The following CACHD1 variants were observed in gnomAD, a reference collection of about 807,000 sequenced individuals.
CACHD1 encodes cache domain containing 1, also known as VWFA and cache domain-containing protein 1.
Under a neutral mutation model 138.7 loss-of-function variants are expected in CACHD1, and 71 were observed. The observed-to-expected ratio is 0.51, with a 90% CI of 0.42 to 0.62. The LOEUF (loss-of-function observed/expected upper bound fraction) is 0.62. Among genes scored for constraint, CACHD1 ranks in the 20% least tolerant of loss-of-function variants. The probability of loss-of-function intolerance (pLI) is 0.00; values close to 1 mark genes in which losing one functional copy is unlikely to be tolerated. For missense variants in CACHD1, 1,389 were observed against 1,625.3 expected, an observed-to-expected ratio of 0.85 and a Z score of 2.50; for synonymous variants, 578 against 591.5, an observed-to-expected ratio of 0.98 and a Z score of 0.33.
chr1:64,481,920 A>C lies in CACHD1; in HGVS notation c.198+10978A>C, dbSNP rs113807804. ...TAGTTTTATTTCCATGTCACTTGAA[A>C]ATAAGGTAAGGATTCTATATAGGAA... On this transcript the variant is annotated intron_variant, in intron 1 of 26. Transcript: ENST00000651257. Among the ~76,000 whole-genome samples the C allele has an allele frequency of 5.2e-3, 787 of 152,312 alleles. 5 individuals are homozygous for C. Among genetic ancestry groups the C allele is most frequent in the South Asian group, 0.022 (104 of 4,834 alleles).
chr1:64,473,705 G>A (rs561683739), intron 1 of CACHD1, among the ~76,000 whole-genome samples: 56 of 152,304 alleles, frequency 3.7e-4, no homozygotes, highest in African/African-American at 1.2e-3. Context: ...CTCACTTTAT[G>A]AGAAACATTC....
chr1:64,601,474 C>G (rs957264281), intron 3 of CACHD1, among the ~76,000 whole-genome samples: 1 of 152,228 alleles, frequency 6.6e-6, no homozygotes, highest in African/African-American at 2.4e-5. Context: ...CTTTGAGGCA[C>G]AGTTGACATT....
chr1:64,652,359 G>A (rs749891127), intron 10 of CACHD1, 49 bp downstream of exon 10: 1 of 1,499,270 alleles, frequency 6.7e-7, no homozygotes. Flanking sequence ...GAAACCTAAA[G>A]AAAATAAGGT....
intron 1 of CACHD1, among the ~76,000 whole-genome samples, chr1:64,474,114 C>A (rs1646161082): frequency 6.6e-6 from 1 of 152,136 alleles, no homozygotes; most frequent in African/African-American, 2.4e-5. Context: ...GTTGTGCCAA[C>A]CAATTTTGCC....
intron 2 of CACHD1, among the ~76,000 whole-genome samples, chr1:64,559,474 C>CTG (rs1646822521): frequency 6.6e-6 from 1 of 152,018 alleles, no homozygotes; most frequent in African/African-American, 2.4e-5. Context: ...AAGAAGGAAA[C>CTG]AACAGACACT....
At chr1:64,588,722 A>G (rs893248226) in intron 3 of CACHD1, among the ~76,000 whole-genome samples, 9 of 152,022 alleles carry the variant, frequency 5.9e-5, no homozygotes, top group Non-Finnish European at 1.3e-4. Flanking sequence ...TGATTTATCT[A>G]TTTCTTTCCC....
chr1:64,668,529 GAA>G (rs1486829184), intron 16 of CACHD1, among the ~76,000 whole-genome samples: 1 of 152,004 alleles, frequency 6.6e-6, no homozygotes, highest in Non-Finnish European at 1.5e-5. Flanking sequence ...AAAAAAAAGA[GAA>G]AACTCCAGAT....
chr1:64,665,600 G>A (rs561295164), intron 15 of CACHD1, among the ~76,000 whole-genome samples: 1 of 152,330 alleles, frequency 6.6e-6, no homozygotes, highest in Non-Finnish European at 1.5e-5. Context: ...GCTACAGTCA[G>A]ATACAAAAGA....
chr1:64,479,147 A>G (rs917403331), intron 1 of CACHD1, among the ~76,000 whole-genome samples: 1 of 152,204 alleles, frequency 6.6e-6, no homozygotes, highest in Non-Finnish European at 1.5e-5. Flanking sequence ...TTTCTTTGTG[A>G]TACAAAGGAG....
At chr1:64,508,232 C>G (rs571220867) in intron 1 of CACHD1, among the ~76,000 whole-genome samples, 3 of 152,202 alleles carry the variant, frequency 2.0e-5, no homozygotes, top group Non-Finnish European at 4.4e-5. Context: ...CCAGGCCCCT[C>G]CGTCTTCCAA....
Position 64,513,975 on chromosome 1 carries a change from C to T in CACHD1, c.199-36619C>T, listed in dbSNP as rs1486221290. ...CAGGTTAAATTAGGTTGCCAGTTTG[C>T]GGTTTCTGTTCCAGATAATCTTTTT... On this transcript the variant is annotated intron_variant, in intron 1 of 26. Transcript: ENST00000651257. Among the ~76,000 whole-genome samples the T allele has an allele frequency of 3.9e-5, 6 of 152,148 alleles. No homozygotes were observed. In the South Asian group the frequency reaches 6.2e-4, roughly 16 times the overall value.
chr1:64,511,079 T>C (rs1393963320), intron 1 of CACHD1, among the ~76,000 whole-genome samples: 1 of 152,220 alleles, frequency 6.6e-6, no homozygotes, highest in Non-Finnish European at 1.5e-5. Context: ...TTTTGGACTG[T>C]GCTTATTTTT....
chr1:64,653,327 G>A (rs1285623710), intron 10 of CACHD1, among the ~76,000 whole-genome samples: 5 of 146,016 alleles, frequency 3.4e-5, no homozygotes, highest in Admixed American at 2.8e-4. Context: ...ACAAACCCCC[G>A]TGACACAAGC....
chr1:64,493,378 A>T (rs1174071255), intron 1 of CACHD1, among the ~76,000 whole-genome samples: 1 of 152,222 alleles, frequency 6.6e-6, no homozygotes, highest in East Asian at 1.9e-4. Context: ...GGGCTTAATA[A>T]ATATATAGTC....
intron 4 of CACHD1, among the ~76,000 whole-genome samples, chr1:64,612,306 A>G (rs1262715818): frequency 6.6e-6 from 1 of 152,188 alleles, no homozygotes; most frequent in Non-Finnish European, 1.5e-5. Flanking sequence ...TATCAATACC[A>G]TTTTTGTATG....
At position 64,690,363 on chromosome 1, in the gene CACHD1, C is replaced by T. The variant is rs140060248; in HGVS notation, c.3587-960C>T. Reference sequence around the variant, plus strand: ...CCATGAATGTGACTAGCATTACCCACGGGTAAGTGCTGATTGACGCTAACT... The same window carrying T: ...CCATGAATGTGACTAGCATTACCCATGGGTAAGTGCTGATTGACGCTAACT... On this transcript the variant is annotated intron_variant, in intron 26 of 26. Coordinates refer to ENST00000651257, the MANE Select transcript of CACHD1 (RefSeq NM_020925.4). Among the ~76,000 whole-genome samples, 501 of 152,238 alleles carry T rather than the reference C, an allele frequency of 3.3e-3. 2 individuals are homozygous for T. The highest frequency in any genetic ancestry group is 0.012 in the African/African-American group (484 of 41,540).
chr1:64,497,182 G>A (rs1354819478), intron 1 of CACHD1, among the ~76,000 whole-genome samples: 1 of 152,180 alleles, frequency 6.6e-6, no homozygotes, highest in Non-Finnish European at 1.5e-5. Context: ...CTAAAATGAA[G>A]GCAGAGCTTT....
At chr1:64,528,530 T>C (rs1646557881) in intron 1 of CACHD1, among the ~76,000 whole-genome samples, 1 of 152,188 alleles carries the variant, frequency 6.6e-6, no homozygotes, top group Non-Finnish European at 1.5e-5. Context: ...ATAAAATCCT[T>C]CTGAATAATA....
intron 1 of CACHD1, among the ~76,000 whole-genome samples, chr1:64,493,983 G>A (rs982553497): frequency 5.3e-5 from 8 of 152,302 alleles, no homozygotes; most frequent in Non-Finnish European, 1.2e-4. Context: ...CTCTGTCACC[G>A]AATGGCAGAG....
Sources: gnomAD v4.1 joint callset for allele counts (sites outside exome capture counted in the v4.1 genomes callset) on GRCh38, gnomAD v4.1.1 for gene constraint, MANE v1.5 for transcripts, NCBI Gene and HGNC (gene_info 2026-07-23, HGNC 2026-07-21) for gene names.